TRPV1: variants seen among roughly 807,000 people sequenced by gnomAD.
The protein encoded by TRPV1 is transient receptor potential cation channel subfamily V member 1, also known as OTRPC1.
Under a neutral mutation model 82.3 loss-of-function variants are expected in TRPV1, and 82 were observed. The ratio of observed to expected loss-of-function variants is 1.00; its 90% CI spans 0.83 to 1.20. The LOEUF is 1.20. Ranked by LOEUF, TRPV1 falls within the 50% of genes most tolerant of loss-of-function variation. The pLI is 0.00. For missense variants in TRPV1, 1,067 were observed against 1,096.8 expected (o/e 0.97, Z 0.38); for synonymous variants, 515 against 467.7 (o/e 1.10, Z -1.30).
intron 6 of TRPV1, 43 bp downstream of exon 6, chr17:3,590,209 G>C: frequency 6.2e-7 from 1 of 1,605,208 alleles, no homozygotes; most frequent in Middle Eastern, 1.7e-4. Context: ...CCTCCCCTTA[G>C]CAAAAGCCAA....
At chr17:3,580,889 G>T (rs1033086111) in intron 10 of TRPV1, among the ~76,000 whole-genome samples, 9 of 152,040 alleles carry the variant, frequency 5.9e-5, no homozygotes, top group Non-Finnish European at 1.2e-4. Flanking sequence ...CGTGGTGGCG[G>T]GCACCTGTAA....
At chr17:3,583,904 T>C (rs1171174504) in intron 9 of TRPV1, among the ~76,000 whole-genome samples, 3 of 152,190 alleles carry the variant, frequency 2.0e-5, no homozygotes, top group Non-Finnish European at 2.9e-5. Context: ...GGCCATTTCC[T>C]GGAGTGGGTC....
intron 2 of TRPV1, among the ~76,000 whole-genome samples, chr17:3,597,452 C>T (rs74948951): frequency 1.3e-5 from 2 of 152,176 alleles, no homozygotes; most frequent in Non-Finnish European, 2.9e-5. Context: ...TCGTGCTGCC[C>T]GCCACACAGT....
chr17:3,567,884 A>G (rs1338377737), intron 16 of TRPV1, among the ~76,000 whole-genome samples: 6 of 152,206 alleles, frequency 3.9e-5, no homozygotes, highest in Non-Finnish European at 5.9e-5. Flanking sequence ...CACTGGGTCA[A>G]TGTCTTTATA....
rs775361932 is a variant in TRPV1, at chr17:3,600,405, T to G, written c.-34+8022A>C. ...GAGTTCAAGACCAGCCTAGCCAACA[T>G]AGTGGAACCTTGTCTCTACTAAAAA... On this transcript the variant is annotated intron_variant, in intron 2 of 16. Coordinates refer to ENST00000572705, the MANE Select transcript of TRPV1 (RefSeq NM_080704.4). Among the ~76,000 whole-genome samples the G allele has an allele frequency of 2.6e-5, 4 of 152,236 alleles. No individual in the cohort carries two copies. The South Asian group carries it at 8.3e-4, about 32-fold the overall frequency.
intron 16 of TRPV1, among the ~76,000 whole-genome samples, chr17:3,569,378 G>A (rs2074817500): frequency 6.6e-6 from 1 of 152,192 alleles, no homozygotes; most frequent in African/African-American, 2.4e-5. Context: ...AGTGAGCCAA[G>A]ATCGTGCCAC....
At chr17:3,578,594 C>T (rs1389972567) in intron 11 of TRPV1, 1 of 152,202 alleles carries the variant, frequency 6.6e-6, no homozygotes, top group African/African-American at 2.4e-5. Flanking sequence ...TTCTCTTAGG[C>T]AGGTAAATCA....
chr17:3,591,303 A>C lies in TRPV1; in HGVS notation c.335T>G (p.Leu112Arg). ...VAASTEKTLR[L>R]YDRRSIFEAV... is the part of the protein sequence containing the mutation. ...TTCAAAGATACTCCTGCGATCATAG[A>C]GCCTGAGGGTCTTCTCGGTGCTGGC... Residue 112 changes from leucine to arginine, a missense_variant, in exon 4 of 17, where the codon CTC becomes CGC. By Grantham distance (102) the Leu-to-Arg change is moderately radical. Coordinates refer to ENST00000572705, the MANE Select transcript of TRPV1 (RefSeq NM_080704.4). 6.2e-7 allele frequency: 1 copy of C among 1,606,206 alleles called. No individual in the cohort carries two copies.
At chr17:3,583,556 A>C (rs2075047623) in intron 9 of TRPV1, 126 bp from the exon 10 acceptor site, 6 of 794,556 alleles carry the variant, frequency 7.6e-6, no homozygotes, top group Admixed American at 2.6e-5. Flanking sequence ...AGGACACACA[A>C]AGACAGTGTG....
At chr17:3,604,711 G>A (rs376522420) in intron 2 of TRPV1, among the ~76,000 whole-genome samples, 3 of 152,202 alleles carry the variant, frequency 2.0e-5, no homozygotes, top group African/African-American at 7.2e-5. Flanking sequence ...CCAGAGGCAG[G>A]CAGTGTGTGG....
rs200427693 is a variant in TRPV1, at chr17:3,591,320, G to A, written c.318C>T (p.Thr106=). Residue 106 remains threonine (T), a synonymous_variant, in exon 4 of 17, where the codon ACC becomes ACT. Coordinates refer to ENST00000572705, the MANE Select transcript of TRPV1 (RefSeq NM_080704.4). ...LLSQDSVAAS[T]EKTLRLYDRR... Reference sequence around the variant, plus strand: ...GATCATAGAGCCTGAGGGTCTTCTCGGTGCTGGCGGCGACAGAGTCCTGGG... The same window carrying A: ...GATCATAGAGCCTGAGGGTCTTCTCAGTGCTGGCGGCGACAGAGTCCTGGG... 36 of 1,598,632 alleles carry A rather than the reference G, an allele frequency of 2.3e-5. No homozygotes were observed. The highest frequency in any genetic ancestry group is 1.7e-4 in the Middle Eastern group (1 of 5,936).
At chr17:3,600,801 T>C (rs2075256000) in intron 2 of TRPV1, among the ~76,000 whole-genome samples, 1 of 152,010 alleles carries the variant, frequency 6.6e-6, no homozygotes, top group Non-Finnish European at 1.5e-5. Context: ...CCCTGGCTGC[T>C]CTCCTCTTCT....
In TRPV1 at chr17:3,583,342, C is replaced by G. The variant is rs202105022; in HGVS notation, c.1472G>C (p.Arg491Pro). The G allele has an allele frequency of 3.1e-6, 5 of 1,607,078 alleles. No homozygotes were observed. Among genetic ancestry groups the G allele is most frequent in the East Asian group, 2.2e-5 (1 of 44,748 alleles). The change falls in exon 10 of 17, where the codon CGA becomes CCA. Residue 491 changes from arginine (R) to proline (P), a missense_variant. Coordinates refer to ENST00000572705, the MANE Select transcript of TRPV1 (RefSeq NM_080704.4). ...SVLGGVYFFF[R>P]GIQYFLQRRP... is the part of the protein sequence containing the mutation. ...AATGTGGGAAGGAACGCTTACCCCTCGGAAAAAGAAGTAGACTCCTCCTAA... is the reference window on the plus strand; with the variant it reads ...AATGTGGGAAGGAACGCTTACCCCTGGGAAAAAGAAGTAGACTCCTCCTAA...
intron 10 of TRPV1, among the ~76,000 whole-genome samples, chr17:3,580,744 T>C (rs73971839): frequency 0.1 from 15,524 of 152,226 alleles, 2,647 homozygotes; most frequent in African/African-American, 0.35. Context: ...AAGCCGGGCA[T>C]GGTGGCTCAC....
At chr17:3,587,853 G>GAA (rs34330693) in intron 8 of TRPV1, among the ~76,000 whole-genome samples, 3 of 144,718 alleles carry the variant, frequency 2.1e-5, no homozygotes, top group African/African-American at 2.6e-5. Flanking sequence ...GCCATCAAGT[G>GAA]AAAAAAAAAA....
chr17:3,597,497 C>T (rs952018364), intron 2 of TRPV1, among the ~76,000 whole-genome samples: 1 of 152,008 alleles, frequency 6.6e-6, no homozygotes. Flanking sequence ...TTTGAGAGTC[C>T]GAGCAACCTT....
chr17:3,601,066 A>C (rs2075258863), intron 2 of TRPV1, among the ~76,000 whole-genome samples: 1 of 150,676 alleles, frequency 6.6e-6, no homozygotes, highest in Non-Finnish European at 1.5e-5. Context: ...TTCCCTCCAC[A>C]TTCACTCCCC....
Position 3,589,132 on chromosome 17 carries a change from C to T in TRPV1, c.1044+675G>A, listed in dbSNP as rs527665691. Among the ~76,000 whole-genome samples, 13 of 152,024 alleles carry T rather than the reference C, an allele frequency of 8.6e-5. No homozygotes were observed. In the South Asian group the frequency reaches 2.5e-3, roughly 29 times the overall value. ...AGCTGGAGCTGGGAGCTGGAGCCAT[C>T]AGCCTTGTTACCTAAAGCTCCTGCC... On this transcript the variant is annotated intron_variant, in intron 7 of 16. Coordinates refer to ENST00000572705, the MANE Select transcript of TRPV1 (RefSeq NM_080704.4).
intron 11 of TRPV1, among the ~76,000 whole-genome samples, chr17:3,579,264 G>C (rs2074974549): frequency 6.6e-6 from 1 of 152,056 alleles, no homozygotes; most frequent in Admixed American, 6.6e-5. Context: ...AAAAAAAATT[G>C]GGTTAAAGGA....
Sources: allele counts gnomAD v4.1 joint callset (sites outside exome capture counted in the v4.1 genomes callset), GRCh38; gene constraint gnomAD v4.1.1; transcripts MANE v1.5; gene names NCBI Gene and HGNC (gene_info 2026-07-23, HGNC 2026-07-21).